The following PUDP variants were observed in gnomAD, a reference collection of about 807,000 sequenced individuals.
PUDP encodes the protein pseudouridine 5'-phosphatase.
A neutral mutation model predicts 9.4 loss-of-function variants in PUDP; 8 were observed. The ratio of observed to expected loss-of-function variants is 0.85; its 90% CI spans 0.50 to 1.53. PUDP has a LOEUF of 1.53. PUDP is among the 40% of genes most tolerant of loss of function. PUDP has a pLI of 0.00. For missense variants in PUDP, 188 were observed against 189.7 expected, an observed-to-expected ratio of 0.99 and a Z score of 0.05; for synonymous variants, 99 against 80.7, an observed-to-expected ratio of 1.23 and a Z score of -1.22.
chrX:7,098,856 AGCCG>A (rs1220419367), intron 2 of PUDP, among the ~76,000 whole-genome samples: 54 of 106,841 alleles, frequency 5.1e-4, no homozygotes, highest in African/African-American at 1.2e-3. Flanking sequence ...TGCAGGGGAG[AGCCG>A]GCCAAGAGAT....
chrX:7,079,179 T>C (rs1033126706), intron 2 of PUDP, among the ~76,000 whole-genome samples: 5 of 112,715 alleles, frequency 4.4e-5, no homozygotes, highest in Admixed American at 1.9e-4. Flanking sequence ...CCAGGTTACT[T>C]ACATTAATAA....
chrX:6,836,488 G>A (rs1241618786), intron 3 of PUDP, among the ~76,000 whole-genome samples: 1 of 112,005 alleles, frequency 8.9e-6, no homozygotes, highest in Admixed American at 9.5e-5. Context: ...CTCATGGTTT[G>A]GTAAGATGCT....
chrX:6,848,543 A>G (rs1396393608), intron 3 of PUDP, among the ~76,000 whole-genome samples: 1 of 112,279 alleles, frequency 8.9e-6, no homozygotes, highest in Non-Finnish European at 1.9e-5. Flanking sequence ...AATGTAACAG[A>G]TGCTGCAAAC....
intron 3 of PUDP, among the ~76,000 whole-genome samples, chrX:6,893,986 A>G (rs1333684503): frequency 2.7e-5 from 3 of 111,833 alleles, no homozygotes; most frequent in Admixed American, 1.9e-4. Context: ...TCTTTGGCAA[A>G]CTAACACAGA....
intron 3 of PUDP, among the ~76,000 whole-genome samples, chrX:6,893,627 G>T (rs1927547527): frequency 9.0e-6 from 1 of 111,688 alleles, no homozygotes; most frequent in South Asian, 3.8e-4. Flanking sequence ...GATTCCCTAG[G>T]ATGAAAATTC....
At chrX:7,026,502 G>A (rs1245363820) in intron 1 of PUDP, among the ~76,000 whole-genome samples, 6 of 112,003 alleles carry the variant, frequency 5.4e-5, no homozygotes, top group African/African-American at 1.9e-4. Context: ...TTGCAGTTTG[G>A]GAAGTGGCAC....
chrX:6,824,245 C>A (rs1478225008), intron 3 of PUDP, among the ~76,000 whole-genome samples: 2 of 111,425 alleles, frequency 1.8e-5, no homozygotes, highest in African/African-American at 6.5e-5. Flanking sequence ...CTCCTTGCTG[C>A]CACTATGTGA....
intron 1 of PUDP, among the ~76,000 whole-genome samples, chrX:6,981,464 C>T (rs1393972050): frequency 9.0e-6 from 1 of 110,945 alleles, no homozygotes; most frequent in Admixed American, 9.6e-5. Context: ...TTGAAACAGC[C>T]GATATAGCAT....
intron 2 of PUDP, among the ~76,000 whole-genome samples, chrX:7,084,480 G>C (rs1931205708): frequency 9.0e-6 from 1 of 111,721 alleles, no homozygotes; most frequent in South Asian, 3.8e-4. Flanking sequence ...TAGTGGGAAG[G>C]TGAGCTAGTT....
At position 7,145,413 on chromosome X, in the gene PUDP, C is replaced by T. The variant is rs189674529; in HGVS notation, c.61+2640G>A. ...AGTTATTTACAAACAGAATAATCTT[C>T]CCTGTCCAGCTGCTGAGATACTGTT... On this transcript the variant is annotated intron_variant, in intron 1 of 3. Transcript: ENST00000381077. Among the ~76,000 whole-genome samples, 262 of 111,468 alleles carry T rather than the reference C, an allele frequency of 2.4e-3. 1 individual carries two copies. Among genetic ancestry groups the T allele is most frequent in the African/African-American group, 8.3e-3 (255 of 30,688 alleles).
intron 1 of PUDP, among the ~76,000 whole-genome samples, chrX:6,719,597 C>T (rs1345738964): frequency 8.9e-6 from 1 of 111,911 alleles, no homozygotes; most frequent in Admixed American, 9.5e-5. Flanking sequence ...TGGTGGATAT[C>T]CCTGTCAATC....
At chrX:6,911,543 C>T (rs1481482609) in intron 3 of PUDP, among the ~76,000 whole-genome samples, 1 of 111,953 alleles carries the variant, frequency 8.9e-6, no homozygotes, top group East Asian at 2.8e-4. Context: ...AATTGTATTA[C>T]TTTACTGGCC....
chrX:7,137,630 T>C (rs1325532126), intron 1 of PUDP, among the ~76,000 whole-genome samples: 1 of 112,607 alleles, frequency 8.9e-6, no homozygotes, highest in African/African-American at 3.2e-5. Context: ...TTCAATCTCA[T>C]GAGCAAACAT....
intron 3 of PUDP, among the ~76,000 whole-genome samples, chrX:6,781,189 A>G (rs1925555629): frequency 8.9e-6 from 1 of 111,844 alleles, no homozygotes; most frequent in African/African-American, 3.2e-5. Flanking sequence ...CAGCAATCAC[A>G]TATCACACCA....
intron 3 of PUDP, among the ~76,000 whole-genome samples, chrX:6,939,320 A>G (rs1345251820): frequency 9.3e-6 from 1 of 107,051 alleles, no homozygotes; most frequent in Middle Eastern, 4.3e-3. Context: ...CTATTTAATA[A>G]TTATTTAATA....
intron 3 of PUDP, among the ~76,000 whole-genome samples, chrX:6,837,891 CAA>C (rs60159618): frequency 0.093 from 9,240 of 98,875 alleles, 560 homozygotes; most frequent in East Asian, 0.47. Flanking sequence ...CTATTTCTAC[CAA>C]AAAAAAAAAA....
At chrX:6,735,503 T>G (rs1159666098) in intron 3 of PUDP, among the ~76,000 whole-genome samples, 1 of 112,664 alleles carries the variant, frequency 8.9e-6, no homozygotes, top group East Asian at 2.8e-4. Flanking sequence ...CTTTCTCTCT[T>G]TGTGTATTTA....
intron 2 of PUDP, among the ~76,000 whole-genome samples, chrX:7,096,257 T>C (rs1268404979): frequency 8.9e-6 from 1 of 112,067 alleles, no homozygotes; most frequent in African/African-American, 3.2e-5. Flanking sequence ...CCCATTAATC[T>C]ATAGGTACTT....
chrX:6,978,535 A>G (rs1195471686), intron 1 of PUDP, among the ~76,000 whole-genome samples: 1 of 112,444 alleles, frequency 8.9e-6, no homozygotes, highest in African/African-American at 3.2e-5. Context: ...AGAAAAGAGC[A>G]ATAGTTGACT....
Sources: allele counts gnomAD v4.1 joint callset (sites outside exome capture counted in the v4.1 genomes callset), GRCh38; gene constraint gnomAD v4.1.1; transcripts MANE v1.5; gene names NCBI Gene and HGNC (gene_info 2026-07-23, HGNC 2026-07-21).